SMUG1: variants seen among roughly 807,000 people sequenced by gnomAD.
The protein encoded by SMUG1 is single-strand-selective monofunctional uracil-DNA glycosylase 1.
A neutral mutation model predicts 23.9 loss-of-function variants in SMUG1; 13 were observed. The observed-to-expected ratio is 0.54, with a 90% CI of 0.35 to 0.86. The LOEUF is 0.86. Ranked by LOEUF, SMUG1 falls within the 40% of genes least tolerant of loss-of-function variation. SMUG1 has a pLI of 0.01. For missense variants in SMUG1, 313 were observed against 339.5 expected, an observed-to-expected ratio of 0.92 and a Z score of 0.61; for synonymous variants, 133 against 139.8, an observed-to-expected ratio of 0.95 and a Z score of 0.34.
At chr12:54,176,734 G>GA (rs1940769092), downstream of SMUG1, among the ~76,000 whole-genome samples, 1 of 151,360 alleles carries the variant, frequency 6.6e-6, no homozygotes, top group Non-Finnish European at 1.5e-5. Flanking sequence ...GTGAACCCGG[G>GA]AAGCGGAGCT....
At chr12:54,188,620 T>A (rs1943105781) in intron 1 of SMUG1, 1 of 151,932 alleles carries the variant, frequency 6.6e-6, no homozygotes, top group Non-Finnish European at 1.5e-5. Flanking sequence ...CAAAATTCCG[T>A]CTCAGAAAAA....
intron 2 of SMUG1, among the ~76,000 whole-genome samples, chr12:54,186,351 T>G (rs920963120): frequency 3.9e-5 from 1 of 25,866 alleles, no homozygotes; most frequent in African/African-American, 1.3e-4. Context: ...TTTTGTTTTG[T>G]TTTTTTTTTG....
At chr12:54,170,091 G>A (rs1002441932) in intron 3 of SMUG1, among the ~76,000 whole-genome samples, 12 of 152,084 alleles carry the variant, frequency 7.9e-5, no homozygotes, top group Non-Finnish European at 1.2e-4. Flanking sequence ...CCAGCTACTC[G>A]GGAGGCTGGG....
At chr12:54,161,141 C>T (rs963358312), downstream of SMUG1, among the ~76,000 whole-genome samples, 56 of 152,266 alleles carry the variant, frequency 3.7e-4, no homozygotes, top group African/African-American at 1.3e-3. This position sits in a 1 kb window ranked among gnomAD's most constrained non-coding sequence, Gnocchi z 4.2. Flanking sequence ...TACCCCCAAC[C>T]TCTCCTTTCT....
downstream of SMUG1, among the ~76,000 whole-genome samples, chr12:54,161,375 A>T (rs11834879): frequency 2.6e-5 from 4 of 152,026 alleles, no homozygotes; most frequent in African/African-American, 9.7e-5. The surrounding 1 kb of genome is among the most constrained non-coding windows in gnomAD (Gnocchi z 4.2). Context: ...GCCCCAGACC[A>T]AGGGCCAACA....
At chr12:54,184,642 C>T (rs1941903952) in intron 2 of SMUG1, among the ~76,000 whole-genome samples, 3 of 152,218 alleles carry the variant, frequency 2.0e-5, no homozygotes, top group Non-Finnish European at 4.4e-5. Context: ...CTCTCTGGCT[C>T]AAGGCTATGC....
chr12:54,176,622 C>T (rs1046343280), downstream of SMUG1, among the ~76,000 whole-genome samples: 5 of 148,914 alleles, frequency 3.4e-5, no homozygotes, highest in South Asian at 2.1e-4. Flanking sequence ...CTGGCTAACA[C>T]GGTGAAACCC....
In SMUG1 at chr12:54,180,602, T is replaced by C. The variant is rs751268327; in HGVS notation, c.*1494A>G. On this transcript the variant is annotated 3_prime_UTR_variant, in exon 4 of 4. Transcript: ENST00000682136. Reference sequence around the variant, plus strand: ...CAGCAGACATAAAAAATGAGTTGGATACCAGGTTCCCATCTGCCCCATCAC... The same window carrying C: ...CAGCAGACATAAAAAATGAGTTGGACACCAGGTTCCCATCTGCCCCATCAC... 3 of 152,176 alleles carry C rather than the reference T, an allele frequency of 2.0e-5. No homozygotes were observed. Among genetic ancestry groups the C allele is most frequent in the Non-Finnish European group, 2.9e-5 (2 of 68,046 alleles). 9.4% of individuals were successfully genotyped at this position (152,176 alleles called of 1,614,324 possible).
downstream of SMUG1, among the ~76,000 whole-genome samples, chr12:54,160,658 A>C (rs1940222349): frequency 6.6e-6 from 1 of 152,204 alleles, no homozygotes; most frequent in Non-Finnish European, 1.5e-5. Flanking sequence ...GTCTCTCTGG[A>C]TCCTGGAACA....
rs745912376 is a variant in SMUG1, at chr12:54,182,200, G to A, written c.709C>T (p.Leu237Phe). The A allele has an allele frequency of 1.2e-6, 2 of 1,611,428 alleles. No homozygotes were observed. The highest frequency in any genetic ancestry group is 1.3e-5 in the African/African-American group (1 of 74,852). ...GLMPEVQVEG[L>F]LHPSPRNPQA... ...GGGTTACGGGGAGAGGGATGCAGGA[G>A]CCCTTCCACCTGGACCTCTGGCATC... The change falls in exon 4 of 4, where the codon CTC becomes TTC. Residue 237 changes from leucine to phenylalanine, a missense_variant. Leu to Phe is a conservative substitution (Grantham distance 22, BLOSUM62 0). Coordinates refer to ENST00000682136, the MANE Select transcript of SMUG1 (RefSeq NM_001243787.2).
intron 2 of SMUG1, chr12:54,172,226 C>T (rs1178016586): frequency 4.8e-6 from 2 of 413,972 alleles, no homozygotes; most frequent in Non-Finnish European, 1.0e-5. Context: ...TGATGTGGCT[C>T]CCCATCACCT....
downstream of SMUG1, among the ~76,000 whole-genome samples, chr12:54,161,017 T>C (rs1940241010): frequency 1.3e-5 from 2 of 152,130 alleles, no homozygotes; most frequent in African/African-American, 4.8e-5. The surrounding 1 kb of genome is among the most constrained non-coding windows in gnomAD (Gnocchi z 4.2). Context: ...TCCTGTTATA[T>C]TAACGTGTCC....
downstream of SMUG1, among the ~76,000 whole-genome samples, chr12:54,178,758 GA>G (rs370465197): frequency 7.9e-5 from 12 of 152,302 alleles, no homozygotes; most frequent in South Asian, 2.1e-3. Context: ...AAGCCAATAG[GA>G]ATCTACTTGT....
chr12:54,171,521 C>A (rs1287742401), intron 3 of SMUG1, among the ~76,000 whole-genome samples: 1 of 151,384 alleles, frequency 6.6e-6, no homozygotes, highest in Non-Finnish European at 1.5e-5. Context: ...GAAACCCCGT[C>A]TCTACTAAAA....
At chr12:54,167,542 C>T (rs1940508987) in intron 3 of SMUG1, among the ~76,000 whole-genome samples, 1 of 152,196 alleles carries the variant, frequency 6.6e-6, no homozygotes, top group Non-Finnish European at 1.5e-5. Context: ...GCACCTCTCC[C>T]AGATACACGT....
intron 2 of SMUG1, chr12:54,172,915 A>C (rs1298130853): frequency 1.3e-5 from 2 of 152,700 alleles, no homozygotes; most frequent in African/African-American, 4.8e-5. Context: ...AGCTGTTCCC[A>C]GTCTGCAGGC....
Position 54,185,504 on chromosome 12 carries a change from ATAAATAAATAAATAAATAAAT to A in SMUG1, c.-19-1566_-19-1546del, listed in dbSNP as rs1565833213. On this transcript the variant is annotated intron_variant, in intron 2 of 3. Coordinates refer to ENST00000682136, the MANE Select transcript of SMUG1 (RefSeq NM_001243787.2). ...AAATAAAAAATAAATAAATAAATAA[ATAAATAAATAAATAAATAAAT>A]AAATTTGCCGGGCGCAACAGCTCAT... Among the ~76,000 whole-genome samples the A allele has an allele frequency of 2.9e-3, 277 of 95,888 alleles. 52 individuals are homozygous for A. Among genetic ancestry groups the A allele is most frequent in the Non-Finnish European group, 4.6e-3 (192 of 41,968 alleles). 62.9% of individuals were successfully genotyped at this position (95,888 alleles called of 152,430 possible).
intron 4 of SMUG1, among the ~76,000 whole-genome samples, chr12:54,158,792 C>A (rs575237760): frequency 4.3e-4 from 65 of 152,136 alleles, no homozygotes; most frequent in African/African-American, 1.5e-3. Flanking sequence ...CTATTTGCCA[C>A]GAGCCACCCA....
intron 3 of SMUG1, among the ~76,000 whole-genome samples, chr12:54,166,245 C>T (rs56863563): frequency 0.12 from 18,042 of 152,162 alleles, 1,184 homozygotes; most frequent in East Asian, 0.19. Flanking sequence ...CCTGTGATCC[C>T]AGCTACTCGG....
Sources: allele counts gnomAD v4.1 joint callset (sites outside exome capture counted in the v4.1 genomes callset), GRCh38; gene constraint gnomAD v4.1.1; non-coding constraint Gnocchi (gnomAD v3.1); transcripts MANE v1.5; gene names NCBI Gene and HGNC (gene_info 2026-07-23, HGNC 2026-07-21).